The following ASMT variants were observed in gnomAD, a reference collection of about 807,000 sequenced individuals.
ASMT encodes acetylserotonin O-methyltransferase.
Under a neutral mutation model 41.3 loss-of-function variants are expected in ASMT, and 53 were observed. The ratio of observed to expected loss-of-function variants is 1.28; its 90% confidence interval spans 1.03 to 1.61. The LOEUF (loss-of-function observed/expected upper bound fraction) is 1.61, where lower values mean the gene tolerates loss of function less well. ASMT is among the 40% of genes most tolerant of loss of function. The probability of loss-of-function intolerance (pLI) is 0.00; values close to 1 mark genes in which losing one functional copy is unlikely to be tolerated. For missense variants in ASMT, 531 were observed against 441.3 expected (o/e 1.20, Z -1.82); for synonymous variants, 231 against 184.8 (o/e 1.25, Z -2.03).
At chrX:1,624,098 C>T (rs1243072572) in intron 2 of ASMT, 171 bp from the exon 3 acceptor site, 3 of 360,256 alleles carry the variant, frequency 8.3e-6, no homozygotes, top group African/African-American at 2.2e-5. Context: ...GTCACCTTTG[C>T]GCCTTCCACA....
intron 1 of ASMT, among the ~76,000 whole-genome samples, chrX:1,620,763 C>T (rs1369986964): frequency 1.3e-5 from 2 of 152,046 alleles, no homozygotes; most frequent in East Asian, 3.9e-4. Context: ...GTGGCGGGCA[C>T]CTGTAGTCCC....
Position 1,636,378 on chromosome X carries a change from G to A in ASMT, c.788-60G>A, listed in dbSNP as rs747312680. The A allele has an allele frequency of 8.1e-6, 13 of 1,613,796 alleles. No individual in the cohort carries two copies. In the South Asian group the frequency reaches 1.3e-4, roughly 16 times the overall value. ...CAGGTGACCTTTTGTGCCCAGAATA[G>A]GTTTAGTCAAATGGGATTGGATTGC... On this transcript the variant is annotated intron_variant, in intron 7 of 8. Coordinates refer to ENST00000381241, the MANE Select transcript of ASMT (RefSeq NM_001171038.2).
rs1373331990 is a variant in ASMT, at chrX:1,629,882, A to G, written c.505A>G (p.Arg169Gly). 1 of 1,613,846 alleles carries G rather than the reference A, an allele frequency of 6.2e-7. No homozygotes were observed. The highest frequency in any genetic ancestry group is 1.3e-5 in the African/African-American group (1 of 74,924). ...ALQEVWSVNG[R>G]SVLTAFDLSV... is the part of the protein sequence containing the mutation. ...GCAGGAGGTCTGGAGCGTCAACGGG[A>G]GAAGCGTGCTGACCGCCTTTGACCT... Residue 169 changes from arginine to glycine, a missense_variant, in exon 5 of 9, where the codon AGA becomes GGA. Transcript: ENST00000381241.
At chrX:1,636,618 A>C in intron 8 of ASMT, 58 bp downstream of exon 8, 1 of 1,612,952 alleles carries the variant, frequency 6.2e-7, no homozygotes, top group Non-Finnish European at 8.5e-7. Flanking sequence ...GAATTGTACG[A>C]GTCACATTTA....
chrX:1,625,892 T>C (rs1252259010), intron 3 of ASMT, among the ~76,000 whole-genome samples: 2 of 142,732 alleles, frequency 1.4e-5, no homozygotes, highest in Admixed American at 7.4e-5. Context: ...GAGGCGGAGG[T>C]TGCAGTGAGC....
At chrX:1,616,483 C>A (rs1603461046) in intron 1 of ASMT, among the ~76,000 whole-genome samples, 1 of 151,354 alleles carries the variant, frequency 6.6e-6, no homozygotes, top group East Asian at 1.9e-4. Context: ...GACAGTGTCC[C>A]TTTTTGGGGT....
intron 7 of ASMT, chrX:1,636,192 C>T (rs1411307630): frequency 7.1e-5 from 39 of 552,536 alleles, no homozygotes; most frequent in East Asian, 1.5e-4. Context: ...CTCCTGACCT[C>T]GTGATCTGCC....
intron 1 of ASMT, among the ~76,000 whole-genome samples, chrX:1,620,966 C>T (rs1304250093): frequency 5.3e-5 from 8 of 150,688 alleles, no homozygotes; most frequent in African/African-American, 2.0e-4. Context: ...TGTGGTGGCA[C>T]GTGCCTGTAA....
At chrX:1,635,633 G>A (rs190239716) in intron 7 of ASMT, among the ~76,000 whole-genome samples, 1,863 of 152,020 alleles carry the variant, frequency 0.012, 40 homozygotes, top group African/African-American at 0.042. Context: ...AGGCCGAGGC[G>A]GGCGGATCAC....
rs201486873 is a variant in ASMT, at chrX:1,636,428, T to G, written c.788-10T>G. ...CAGGCTGACCTCGGTGTGCCTGCCC[T>G]GTGTTCCAGGGGATTTCTTCAAAGA... is the stretch of plus-strand genomic sequence containing the variant. On this transcript the variant is annotated splice_polypyrimidine_tract_variant and intron_variant, in intron 7 of 8. Coordinates refer to ENST00000381241, the MANE Select transcript of ASMT (RefSeq NM_001171038.2). 122 of 1,613,818 alleles carry G rather than the reference T, an allele frequency of 7.6e-5. No individual in the cohort carries two copies. The highest frequency in any genetic ancestry group is 1.3e-4 in the Admixed American group (8 of 59,986).
chrX:1,635,056 G>C (rs774551941), intron 7 of ASMT, among the ~76,000 whole-genome samples: 11 of 144,052 alleles, frequency 7.6e-5, no homozygotes, highest in Admixed American at 4.2e-4. Context: ...CTCACTGCAA[G>C]CTCCACCTCC....
In ASMT at chrX:1,624,311, C is replaced by T. The variant is rs754820338; in HGVS notation, c.287C>T (p.Thr96Met). 78 of 1,613,892 alleles carry T rather than the reference C, an allele frequency of 4.8e-5. No homozygotes were observed. Among genetic ancestry groups the T allele is most frequent in the East Asian group, 6.7e-5 (3 of 44,900 alleles). ...NTELSSDYLTTVSPTSQCSML... is the reference protein window; with the variant it reads ...NTELSSDYLTMVSPTSQCSML... ...GAGCTGTCCAGCGACTACCTGACCA[C>T]GGTCAGCCCGACGTCACAATGCAGC... Residue 96 changes from threonine to methionine, a missense_variant, in exon 3 of 9, where the codon ACG becomes ATG. Coordinates refer to ENST00000381241, the MANE Select transcript of ASMT (RefSeq NM_001171038.2).
intron 7 of ASMT, among the ~76,000 whole-genome samples, chrX:1,635,554 T>A (rs1373392963): frequency 6.6e-6 from 1 of 151,704 alleles, no homozygotes; most frequent in African/African-American, 2.4e-5. Context: ...GCAGGGGACA[T>A]CAGAAAGAAA....
At chrX:1,629,726 T>A in intron 4 of ASMT, 95 bp from the exon 5 acceptor site, 1 of 1,113,694 alleles carries the variant, frequency 9.0e-7, no homozygotes, top group South Asian at 1.2e-5. Flanking sequence ...ACCTGTGGGG[T>A]ATAGCTCCGT....
chrX:1,623,021 A>G, intron 1 of ASMT, 118 bp from the exon 2 acceptor site: 1 of 921,946 alleles, frequency 1.1e-6, no homozygotes, highest in South Asian at 1.7e-5. Context: ...AAATAAATGA[A>G]TAAGAATATA....
chrX:1,616,876 T>A, intron 1 of ASMT, among the ~76,000 whole-genome samples: 1 of 151,456 alleles, frequency 6.6e-6, no homozygotes, highest in Non-Finnish European at 1.5e-5. Context: ...GCCCGGCTAA[T>A]TTTTTGTATT....
At chrX:1,619,460 C>T (rs1934257529) in intron 1 of ASMT, among the ~76,000 whole-genome samples, 1 of 149,370 alleles carries the variant, frequency 6.7e-6, no homozygotes, top group South Asian at 2.1e-4. Context: ...ATGTAGGTGA[C>T]GGGTTGACAG....
chrX:1,636,209 C>A (rs771303862), intron 7 of ASMT: 2 of 608,608 alleles, frequency 3.3e-6, no homozygotes, highest in Admixed American at 2.3e-5. Flanking sequence ...TGCCCACCTC[C>A]GCCTCCCAAA....
rs866892279 is a variant in ASMT at position 1,641,318 on chromosome X, C to T, written c.911-1485C>T. 1.7e-4 allele frequency among the ~76,000 whole-genome samples: 11 copies of T among 65,052 alleles called. 1 individual carries two copies. In the South Asian group the frequency reaches 1.7e-3, roughly 10 times the overall value. The allele number at this position is 65,052 out of a possible 152,430, so 42.7% of individuals were successfully genotyped here. On this transcript the variant is annotated intron_variant, in intron 8 of 8. Coordinates refer to ENST00000381241, the MANE Select transcript of ASMT (RefSeq NM_001171038.2). ...TCCCAGCTCTCCTGTGAGGTCCACC[C>T]ATCCTGATGATCCATTAGGATGTGG... is the stretch of plus-strand genomic sequence containing the variant.
Sources: allele counts gnomAD v4.1 joint callset (sites outside exome capture counted in the v4.1 genomes callset), GRCh38; gene constraint gnomAD v4.1.1; transcripts MANE v1.5; gene names NCBI Gene and HGNC (gene_info 2026-07-23, HGNC 2026-07-21).